RSPRY1: variants seen among roughly 807,000 people sequenced by gnomAD.
The protein encoded by RSPRY1 is ring finger and SPRY domain containing 1, also known as RING finger and SPRY domain-containing protein 1.
RSPRY1 carries 23 observed loss-of-function variants against 73.1 expected under a neutral mutation model. That is an observed-to-expected ratio of 0.31 (90% CI 0.23 to 0.45). RSPRY1 has a LOEUF of 0.45. RSPRY1 is among the 20% of genes least tolerant of loss of function. RSPRY1 has a pLI of 1.00. For synonymous variants in RSPRY1, 226 were observed against 251.4 expected (o/e 0.90, Z 0.95); for missense variants, 448 against 698.7 (o/e 0.64, Z 4.05).
At chr16:57,231,131 TAATTC>T in intron 12 of RSPRY1, 31 bp from the exon 13 acceptor site, 2 of 1,582,560 alleles carry the variant, frequency 1.3e-6, no homozygotes, top group Non-Finnish European at 1.7e-6. Flanking sequence ...TGATTTTTAT[TAATTC>T]TATTGGCCTC....
chr16:57,199,918 T>C (rs1373815145), intron 1 of RSPRY1, among the ~76,000 whole-genome samples: 2 of 149,602 alleles, frequency 1.3e-5, no homozygotes, highest in South Asian at 4.2e-4. Context: ...TTTTTCTTTT[T>C]TTTTTTTTTT....
At chr16:57,218,690 G>C (rs1232484993) in intron 8 of RSPRY1, among the ~76,000 whole-genome samples, 1 of 121,734 alleles carries the variant, frequency 8.2e-6, no homozygotes, top group Non-Finnish European at 1.7e-5. Context: ...TGGCTGAACA[G>C]TACTCCATTT....
rs1319864581 is a variant in RSPRY1 at position 57,204,514 on chromosome 16, G to A, written c.-145G>A. The stretch of plus-strand genomic sequence containing the variant: ...CTCATTTTCTTTTAGAACTGCCATT[G>A]GATGTCCAGAATCCCCTGTAGTTGA... On this transcript the variant is annotated 5_prime_UTR_variant, in exon 2 of 15. Transcript: ENST00000394420. The A allele has an allele frequency of 1.1e-4, 80 of 696,840 alleles. No homozygotes were observed. In the East Asian group the frequency reaches 1.9e-3, roughly 17 times the overall value. 43.2% of individuals were successfully genotyped at this position (696,840 alleles called of 1,614,324 possible).
chr16:57,216,288 C>T (rs1403057040), intron 7 of RSPRY1, 115 bp downstream of exon 7: 2 of 744,892 alleles, frequency 2.7e-6, no homozygotes, highest in Non-Finnish European at 4.7e-6. Context: ...GGCATACATT[C>T]TGTTTTCATC....
At position 57,186,480 on chromosome 16, in the gene RSPRY1, C is replaced by T. The variant is rs368188405; in HGVS notation, c.-156+29C>T. On this transcript the variant is annotated intron_variant, in intron 1 of 14. Coordinates refer to ENST00000394420, the MANE Select transcript of RSPRY1 (RefSeq NM_133368.3). Reference sequence around the variant, plus strand: ...AGTGCCACAGCCCGACCGCGCTGCTCTGAGCCCTGGGCACGCGGAACGGGA... The same window carrying T: ...AGTGCCACAGCCCGACCGCGCTGCTTTGAGCCCTGGGCACGCGGAACGGGA... 5.7e-4 allele frequency: 88 copies of T among 153,622 alleles called. No individual in the cohort carries two copies. In the East Asian group the frequency reaches 0.016, roughly 27 times the overall value. 9.5% of individuals were successfully genotyped at this position (153,622 alleles called of 1,614,324 possible). A position where few individuals can be genotyped will look rare whatever the true frequency, so the allele number is the denominator to read the frequency against.
intron 6 of RSPRY1, among the ~76,000 whole-genome samples, chr16:57,214,239 A>G (rs987769124): frequency 7.2e-5 from 11 of 152,212 alleles, no homozygotes; most frequent in Non-Finnish European, 1.6e-4. Flanking sequence ...GAGTTTGCCA[A>G]ATGGTAATAG....
chr16:57,216,800 C>T, intron 7 of RSPRY1, 104 bp from the exon 8 acceptor site: 2 of 1,056,760 alleles, frequency 1.9e-6, no homozygotes, highest in South Asian at 1.4e-5. Flanking sequence ...AATCTAGTCT[C>T]CAATTCTTTA....
At chr16:57,188,990 CTT>C (rs111782511) in intron 1 of RSPRY1, among the ~76,000 whole-genome samples, 826 of 121,380 alleles carry the variant, frequency 6.8e-3, no homozygotes, top group African/African-American at 0.024. Flanking sequence ...TACTCAGTGA[CTT>C]TTTTTTTTTT....
intron 10 of RSPRY1, among the ~76,000 whole-genome samples, chr16:57,226,170 C>A (rs1337271339): frequency 2.0e-5 from 3 of 152,200 alleles, no homozygotes; most frequent in Non-Finnish European, 4.4e-5. Context: ...TCCACTATAA[C>A]CTTTCTCTTA....
At chr16:57,196,415 G>A (rs1022023869) in intron 1 of RSPRY1, among the ~76,000 whole-genome samples, 1 of 152,148 alleles carries the variant, frequency 6.6e-6, no homozygotes, top group Non-Finnish European at 1.5e-5. Flanking sequence ...TGTCCTTCCT[G>A]CTGTGCCAGG....
At chr16:57,186,504 G>C (rs1311409639) in intron 1 of RSPRY1, 53 bp downstream of exon 1, 1 of 153,056 alleles carries the variant, frequency 6.5e-6, no homozygotes, top group African/African-American at 2.4e-5. Flanking sequence ...CGCGGAACGG[G>C]AGGGAGTCTG....
chr16:57,225,553 T>A (rs188124476), intron 10 of RSPRY1, among the ~76,000 whole-genome samples: 1 of 152,376 alleles, frequency 6.6e-6, no homozygotes, highest in Admixed American at 6.5e-5. Context: ...CTCCTCACTG[T>A]ATTGTTTGCC....
chr16:57,186,833 G>C (rs11076181), intron 1 of RSPRY1: 2 of 151,522 alleles, frequency 1.3e-5, no homozygotes, highest in Admixed American at 6.6e-5. Context: ...GTACCGATGG[G>C]GTCCTGACCT....
intron 1 of RSPRY1, among the ~76,000 whole-genome samples, chr16:57,193,974 G>C (rs2146170545): frequency 6.6e-6 from 1 of 152,234 alleles, no homozygotes; most frequent in East Asian, 1.9e-4. Flanking sequence ...GCTGAGGCAG[G>C]AGAATTACTT....
chr16:57,198,720 C>T (rs753730366), intron 1 of RSPRY1, among the ~76,000 whole-genome samples: 4 of 152,084 alleles, frequency 2.6e-5, no homozygotes, highest in Non-Finnish European at 5.9e-5. Context: ...ATTTTTAGTA[C>T]GTGATTAGTC....
At chr16:57,209,394 C>G (rs1194391161) in intron 4 of RSPRY1, among the ~76,000 whole-genome samples, 1 of 152,058 alleles carries the variant, frequency 6.6e-6, no homozygotes, top group Non-Finnish European at 1.5e-5. Context: ...ACAAGAGTCT[C>G]ACTCTGTTGC....
intron 2 of RSPRY1, chr16:57,207,619 A>G (rs1395841747): frequency 1.5e-5 from 7 of 456,520 alleles, no homozygotes; most frequent in East Asian, 6.9e-5. Context: ...GAAGATGCGT[A>G]TATAGGCCCT....
At chr16:57,230,499 T>A (rs1336214754) in intron 11 of RSPRY1, among the ~76,000 whole-genome samples, 1 of 152,236 alleles carries the variant, frequency 6.6e-6, no homozygotes, top group Non-Finnish European at 1.5e-5. Flanking sequence ...TGGCTTGTCA[T>A]AATTTAATTG....
chr16:57,219,620 A>G (rs1237724495), intron 8 of RSPRY1: 2 of 152,120 alleles, frequency 1.3e-5, no homozygotes, highest in East Asian at 3.9e-4. Flanking sequence ...ATGTCTCTTT[A>G]CTTCGTTGAT....
Sources: gnomAD v4.1 joint callset for allele counts (sites outside exome capture counted in the v4.1 genomes callset) on GRCh38, gnomAD v4.1.1 for gene constraint, MANE v1.5 for transcripts, NCBI Gene and HGNC (gene_info 2026-07-23, HGNC 2026-07-21) for gene names.